The following NEGR1 variants were observed in gnomAD, a reference collection of about 807,000 sequenced individuals.
The protein encoded by NEGR1 is IgLON family member 4.
In NEGR1, 10 loss-of-function variants were observed where a neutral mutation model predicts 40.9. That is an observed-to-expected ratio of 0.24 (90% confidence interval 0.15 to 0.42). The LOEUF is 0.42. Ranked by LOEUF, NEGR1 falls within the 10% of genes least tolerant of loss-of-function variation. The pLI is 1.00. For synonymous variants in NEGR1, 185 were observed against 166.8 expected (o/e 1.11, Z -0.84); for missense variants, 352 against 438.9 (o/e 0.80, Z 1.77).
chr1:71,512,563 A>G (rs189232523), intron 6 of NEGR1, among the ~76,000 whole-genome samples: 3 of 152,204 alleles, frequency 2.0e-5, no homozygotes, highest in Admixed American at 2.0e-4. Flanking sequence ...CACTTAGAAA[A>G]AAAAGCATAA....
At chr1:72,104,374 C>T (rs889342065) in intron 1 of NEGR1, among the ~76,000 whole-genome samples, 5 of 152,110 alleles carry the variant, frequency 3.3e-5, no homozygotes, top group South Asian at 2.1e-4. Flanking sequence ...GATGTGACCG[C>T]GGAAGCAGAG....
intron 1 of NEGR1, among the ~76,000 whole-genome samples, chr1:72,008,218 T>C (rs1646625328): frequency 6.6e-6 from 1 of 152,170 alleles, no homozygotes; most frequent in Admixed American, 6.6e-5. Flanking sequence ...GCAGTCATCA[T>C]GTGACCAAGG....
intron 6 of NEGR1, among the ~76,000 whole-genome samples, chr1:71,443,111 T>C (rs905516981): frequency 3.9e-5 from 6 of 152,218 alleles, no homozygotes; most frequent in South Asian, 2.1e-4. Flanking sequence ...ATTTTACCGA[T>C]TTGTGTTCTT....
chr1:71,853,203 C>T (rs566648351), intron 2 of NEGR1, among the ~76,000 whole-genome samples: 36 of 152,102 alleles, frequency 2.4e-4, no homozygotes, highest in African/African-American at 7.9e-4. Context: ...TTAAATTACA[C>T]GGAATATGCA....
At chr1:71,676,448 T>C (rs1355348106) in intron 4 of NEGR1, among the ~76,000 whole-genome samples, 1 of 152,092 alleles carries the variant, frequency 6.6e-6, no homozygotes, top group African/African-American at 2.4e-5. Context: ...TCCATACAAA[T>C]ATGGTAGCAG....
At chr1:71,974,227 T>A (rs534880484) in intron 1 of NEGR1, among the ~76,000 whole-genome samples, 1 of 152,298 alleles carries the variant, frequency 6.6e-6, no homozygotes, top group South Asian at 2.1e-4. Flanking sequence ...CCATATTACA[T>A]TACTCACTAT....
chr1:71,774,211 A>G (rs1656423574), intron 3 of NEGR1, among the ~76,000 whole-genome samples: 3 of 152,306 alleles, frequency 2.0e-5, no homozygotes, highest in African/African-American at 2.4e-5. Context: ...AGATGTGCAC[A>G]AGGATTGGCA....
chr1:72,143,053 T>C (rs1035181621), intron 1 of NEGR1, among the ~76,000 whole-genome samples: 1 of 151,928 alleles, frequency 6.6e-6, no homozygotes, highest in African/African-American at 2.4e-5. Context: ...TTGTGAGCAA[T>C]ACTGTTCTGA....
intron 1 of NEGR1, among the ~76,000 whole-genome samples, chr1:72,226,776 C>T (rs1203064321): frequency 2.6e-5 from 4 of 151,924 alleles, no homozygotes; most frequent in African/African-American, 9.7e-5. Context: ...TATTTTTATA[C>T]GTATATTTAC....
In NEGR1 at chr1:71,617,390, G is replaced by A. The variant is rs150251567; in HGVS notation, c.668-6244C>T. ...AATCTAGGTTGATGAATCTACTGAT[G>A]TTGACAAGGCAACAATGCTTGTTTA... On this transcript the variant is annotated intron_variant, in intron 4 of 6. Transcript: ENST00000357731. Among the ~76,000 whole-genome samples, 875 of 152,344 alleles carry A rather than the reference G, an allele frequency of 5.7e-3. 9 individuals are homozygous for A. The highest frequency in any genetic ancestry group is 0.019 in the African/African-American group (796 of 41,590).
At chr1:72,078,989 C>T (rs535001359) in intron 1 of NEGR1, among the ~76,000 whole-genome samples, 12 of 150,976 alleles carry the variant, frequency 7.9e-5, no homozygotes, top group Admixed American at 6.6e-4. Context: ...AATCCTATTA[C>T]TGAATATACC....
At position 71,766,202 on chromosome 1, in the gene NEGR1, A is replaced by C. The variant is rs984136505; in HGVS notation, c.535+9970T>G. ...AAAAAAAAAAAAAAGAAGAGATCTG[A>C]GTCTTTCTAAATGTGAGCAGGATAG... On this transcript the variant is annotated intron_variant, in intron 3 of 6. Transcript: ENST00000357731. Among the ~76,000 whole-genome samples the C allele has an allele frequency of 2.3e-4, 34 of 150,886 alleles. No individual in the cohort carries two copies. In the East Asian group the frequency reaches 2.5e-3, roughly 11 times the overall value.
intron 1 of NEGR1, among the ~76,000 whole-genome samples, chr1:71,958,998 C>T (rs1318077221): frequency 4.6e-5 from 7 of 150,916 alleles, no homozygotes; most frequent in African/African-American, 7.3e-5. Context: ...TTAATGTTGT[C>T]GTCTATGTGG....
At chr1:71,611,899 C>T (rs1346767648) in intron 4 of NEGR1, among the ~76,000 whole-genome samples, 1 of 152,196 alleles carries the variant, frequency 6.6e-6, no homozygotes, top group Non-Finnish European at 1.5e-5. Context: ...ATCTCTCATA[C>T]CATCAACTTT....
At chr1:71,942,477 ATATATATTT>A (rs1645972710) in intron 1 of NEGR1, among the ~76,000 whole-genome samples, 1 of 14,908 alleles carries the variant, frequency 6.7e-5, no homozygotes, top group African/African-American at 2.2e-4. Flanking sequence ...ATATATATAT[ATATATATTT>A]TTTTTTTTTT....
chr1:71,916,607 T>C (rs2101878447), intron 2 of NEGR1, among the ~76,000 whole-genome samples: 1 of 151,698 alleles, frequency 6.6e-6, no homozygotes, highest in African/African-American at 2.4e-5. Flanking sequence ...ATACAAAAAA[T>C]TAGCCAGGCA....
chr1:72,089,800 A>G (rs11812075), intron 1 of NEGR1, among the ~76,000 whole-genome samples: 2,337 of 152,222 alleles, frequency 0.015, 58 homozygotes, highest in African/African-American at 0.053. Flanking sequence ...TAAATTATGG[A>G]CTATTAAATA....
chr1:72,275,949 A>G (rs1656035727), intron 1 of NEGR1, among the ~76,000 whole-genome samples: 1 of 152,010 alleles, frequency 6.6e-6, no homozygotes, highest in South Asian at 2.1e-4. Context: ...AAAATAAATT[A>G]GCCAGGTATG....
chr1:71,969,407 G>C (rs1227836879), intron 1 of NEGR1, among the ~76,000 whole-genome samples: 1 of 152,128 alleles, frequency 6.6e-6, no homozygotes, highest in African/African-American at 2.4e-5. Flanking sequence ...ATACAGTATT[G>C]CCTTGCTTCT....
Sources: gnomAD v4.1 joint callset for allele counts (sites outside exome capture counted in the v4.1 genomes callset) on GRCh38, gnomAD v4.1.1 for gene constraint, MANE v1.5 for transcripts, NCBI Gene and HGNC (gene_info 2026-07-23, HGNC 2026-07-21) for gene names.